DPYD: variants seen among roughly 807,000 people sequenced by gnomAD.
DPYD encodes dihydropyrimidine dehydrogenase.
Under a neutral mutation model 116.2 loss-of-function variants are expected in DPYD, and 109 were observed. The observed-to-expected ratio is 0.94, with a 90% CI of 0.80 to 1.10. DPYD has a LOEUF of 1.10. Ranked by LOEUF, DPYD falls within the 50% of genes least tolerant of loss-of-function variation. The pLI, the probability that DPYD is intolerant of heterozygous loss-of-function variation, is 0.00. For synonymous variants in DPYD, 440 were observed against 432.0 expected, an observed-to-expected ratio of 1.02 and a Z score of -0.23; for missense variants, 1,302 against 1,254.5, an observed-to-expected ratio of 1.04 and a Z score of -0.57.
chr1:97,229,587 T>TATAA lies in DPYD; in HGVS notation c.2442+5264_2442+5265insTTAT, dbSNP rs1434809487. 2.5e-3 allele frequency among the ~76,000 whole-genome samples: 164 copies of TATAA among 64,654 alleles called. 3 individuals are homozygous for TATAA. The highest frequency in any genetic ancestry group is 9.0e-3 in the African/African-American group (155 of 17,280). 42.4% of individuals were successfully genotyped at this position (64,654 alleles called of 152,430 possible). A position where few individuals can be genotyped will look rare whatever the true frequency, so the allele number is the denominator to read the frequency against. On this transcript the variant is annotated intron_variant, in intron 19 of 22. Coordinates refer to ENST00000370192, the MANE Select transcript of DPYD (RefSeq NM_000110.4). ...ATATATATATATATATATATATATA[T>TATAA]ATACTGATTTTAATTCATACTTTAG...
At chr1:97,556,128 G>A (rs1157329109) in intron 11 of DPYD, among the ~76,000 whole-genome samples, 1 of 152,144 alleles carries the variant, frequency 6.6e-6, no homozygotes, top group Non-Finnish European at 1.5e-5. Flanking sequence ...TCAGGGTCAT[G>A]CAAAGGCAAA....
At chr1:97,620,525 G>T (rs918608334) in intron 8 of DPYD, among the ~76,000 whole-genome samples, 1 of 152,104 alleles carries the variant, frequency 6.6e-6, no homozygotes, top group Non-Finnish European at 1.5e-5. Flanking sequence ...CTCACATTTA[G>T]ATTTCTTACT....
intron 8 of DPYD, among the ~76,000 whole-genome samples, chr1:97,657,695 T>C (rs1313444231): frequency 1.3e-5 from 2 of 152,210 alleles, no homozygotes; most frequent in East Asian, 3.8e-4. Context: ...CACGGGCGTC[T>C]AGAAATAACA....
intron 1 of DPYD, among the ~76,000 whole-genome samples, chr1:97,901,529 T>G (rs561921024): frequency 6.6e-6 from 1 of 151,884 alleles, no homozygotes; most frequent in Admixed American, 6.6e-5. Context: ...TTGATAACAA[T>G]GAGTATAGGT....
chr1:97,477,591 C>CATGA (rs1678040925), intron 13 of DPYD, among the ~76,000 whole-genome samples: 1 of 150,030 alleles, frequency 6.7e-6, no homozygotes, highest in Admixed American at 6.6e-5. Context: ...GACCTCCTTC[C>CATGA]ATGACTGTTC....
rs564067118 is a variant in DPYD at position 97,751,429 on chromosome 1, C to CGTGTGTGTGT, written c.234-10960_234-10951dup. ...ATATACGTGTATATATATATGTATA[C>CGTGTGTGTGT]GTGTGTGTGTGTGTGTGTGTGTGTG... On this transcript the variant is annotated intron_variant, in intron 3 of 22. Transcript: ENST00000370192. Among the ~76,000 whole-genome samples, 33 of 53,066 alleles carry CGTGTGTGTGT rather than the reference C, an allele frequency of 6.2e-4. 1 individual carries two copies. The highest frequency in any genetic ancestry group is 3.6e-3 in the East Asian group (3 of 832). The allele number at this position is 53,066 out of a possible 152,430, so 34.8% of individuals were successfully genotyped here.
At chr1:97,166,467 A>C (rs1369858660) in intron 20 of DPYD, among the ~76,000 whole-genome samples, 1 of 152,170 alleles carries the variant, frequency 6.6e-6, no homozygotes, top group Non-Finnish European at 1.5e-5. Flanking sequence ...ATTGGGTACT[A>C]GGACTAGTAC....
intron 13 of DPYD, among the ~76,000 whole-genome samples, chr1:97,507,705 GTTAT>G (rs1267298571): frequency 6.6e-6 from 1 of 151,912 alleles, no homozygotes; most frequent in Non-Finnish European, 1.5e-5. Flanking sequence ...TCCTGACAAT[GTTAT>G]TCCTCAGTTC....
chr1:97,771,846 T>C (rs888142373), intron 3 of DPYD, among the ~76,000 whole-genome samples: 2 of 152,170 alleles, frequency 1.3e-5, no homozygotes, highest in East Asian at 1.9e-4. Context: ...CTTGATTACA[T>C]AGTCTAATAA....
intron 20 of DPYD, among the ~76,000 whole-genome samples, chr1:97,146,887 C>T (rs868476511): frequency 3.3e-5 from 5 of 152,142 alleles, no homozygotes; most frequent in Non-Finnish European, 7.4e-5. Flanking sequence ...AACAAAGCTT[C>T]CTGGGGTAGG....
chr1:97,641,396 A>C (rs1657892436), intron 8 of DPYD, among the ~76,000 whole-genome samples: 1 of 152,098 alleles, frequency 6.6e-6, no homozygotes, highest in Admixed American at 6.6e-5. Context: ...AGACTTTCTA[A>C]CCACCAAATA....
chr1:97,644,626 T>G (rs1474713426), intron 8 of DPYD, among the ~76,000 whole-genome samples: 1 of 151,332 alleles, frequency 6.6e-6, no homozygotes, highest in African/African-American at 2.4e-5. Context: ...TTTGTTTTTT[T>G]TTTTTGTATT....
At position 97,832,045 on chromosome 1, in the gene DPYD, T is replaced by TTGTGTGTGTGTGTG. The variant is rs35795641; in HGVS notation, c.151-3863_151-3850dup. On this transcript the variant is annotated intron_variant, in intron 2 of 22. Transcript: ENST00000370192. ...CATTATAGCTTTAATATATAATGTATTGTGTGTGTGTGTGTGTGTGTGTGT... is the reference window on the plus strand; with the variant it reads ...CATTATAGCTTTAATATATAATGTATTGTGTGTGTGTGTGTGTGTGTGTGTGTGTGTGTGTGTGT... Among the ~76,000 whole-genome samples the TTGTGTGTGTGTGTG allele has an allele frequency of 6.9e-3, 928 of 134,000 alleles. 16 individuals are homozygous for TTGTGTGTGTGTGTG. Among genetic ancestry groups the TTGTGTGTGTGTGTG allele is most frequent in the East Asian group, 0.016 (66 of 4,232 alleles). The allele number at this position is 134,000 out of a possible 152,430, so 87.9% of individuals were successfully genotyped here.
At chr1:97,844,836 G>A (rs1431233897) in intron 2 of DPYD, among the ~76,000 whole-genome samples, 1 of 152,228 alleles carries the variant, frequency 6.6e-6, no homozygotes, top group Non-Finnish European at 1.5e-5. Context: ...TGCAGTCTCA[G>A]AAGTGCCTGC....
At chr1:97,887,760 T>C (rs974073724) in intron 1 of DPYD, among the ~76,000 whole-genome samples, 10 of 151,940 alleles carry the variant, frequency 6.6e-5, no homozygotes, top group South Asian at 2.1e-4. Context: ...GTAGTTCCCA[T>C]AATCCCCATG....
At chr1:97,241,881 A>G (rs1009786766) in intron 18 of DPYD, among the ~76,000 whole-genome samples, 5 of 151,624 alleles carry the variant, frequency 3.3e-5, no homozygotes, top group Admixed American at 1.3e-4. Context: ...GCCAGAGAAA[A>G]TTGATCAGAA....
At chr1:97,523,777 T>G (rs1380430231) in intron 12 of DPYD, among the ~76,000 whole-genome samples, 1 of 152,122 alleles carries the variant, frequency 6.6e-6, no homozygotes, top group Non-Finnish European at 1.5e-5. Flanking sequence ...CCTTCAAAAG[T>G]CAGTCCTGTT....
chr1:97,236,839 A>C (rs1301498605), intron 18 of DPYD, among the ~76,000 whole-genome samples: 4 of 152,326 alleles, frequency 2.6e-5, no homozygotes, highest in East Asian at 1.9e-4. Context: ...GAGGTCATGC[A>C]TGTGTTGGAG....
intron 2 of DPYD, among the ~76,000 whole-genome samples, chr1:97,845,816 A>G (rs537401127): frequency 6.6e-6 from 1 of 152,222 alleles, no homozygotes; most frequent in Admixed American, 6.5e-5. Context: ...GACATTTCCA[A>G]GCTTCCGGGC....
Sources: gnomAD v4.1 joint callset for allele counts (sites outside exome capture counted in the v4.1 genomes callset) on GRCh38, gnomAD v4.1.1 for gene constraint, MANE v1.5 for transcripts, NCBI Gene and HGNC (gene_info 2026-07-23, HGNC 2026-07-21) for gene names.